The following PIGC variants were observed in gnomAD, a reference collection of about 807,000 sequenced individuals.
PIGC encodes the protein phosphatidylinositol glycan anchor biosynthesis class C.
Under a neutral mutation model 20.9 loss-of-function variants are expected in PIGC, and 14 were observed. That is an observed-to-expected ratio of 0.67 (90% CI 0.44 to 1.05). The LOEUF (loss-of-function observed/expected upper bound fraction) is 1.05. PIGC is among the 50% of genes least tolerant of loss of function. The probability of loss-of-function intolerance (pLI) is 0.00; values close to 1 mark genes in which losing one functional copy is unlikely to be tolerated. For missense variants in PIGC, 310 were observed against 360.9 expected, an observed-to-expected ratio of 0.86 and a Z score of 1.14; for synonymous variants, 132 against 141.4, an observed-to-expected ratio of 0.93 and a Z score of 0.47.
At position 172,441,463 on chromosome 1, in the gene PIGC, T is replaced by C; in HGVS notation, c.*266A>G. ...AAATCATGAGACAACTTGATGGATGTGTTATTTTTTTAATAGAAACCACAT... is the reference window on the plus strand; with the variant it reads ...AAATCATGAGACAACTTGATGGATGCGTTATTTTTTTAATAGAAACCACAT... On this transcript the variant is annotated 3_prime_UTR_variant, in exon 2 of 2. Transcript: ENST00000344529. The C allele has an allele frequency of 3.3e-6, 1 of 301,450 alleles. No individual in the cohort carries two copies. Among genetic ancestry groups the C allele is most frequent in the Non-Finnish European group, 6.1e-6 (1 of 164,134 alleles). 18.7% of individuals were successfully genotyped at this position (301,450 alleles called of 1,614,324 possible).
At position 172,441,563 on chromosome 1, in the gene PIGC, A is replaced by C. The variant is rs1225832777; in HGVS notation, c.*166T>G. On this transcript the variant is annotated 3_prime_UTR_variant, in exon 2 of 2. Transcript: ENST00000344529. ...TCATCTACAAAATAACAGAAAGGAT[A>C]AGCACCCTCACCACCCAAGCCTTTG... 1 of 555,192 alleles carries C rather than the reference A, an allele frequency of 1.8e-6. No homozygotes were observed. Among genetic ancestry groups the C allele is most frequent in the Non-Finnish European group, 3.0e-6 (1 of 327,916 alleles). The allele number at this position is 555,192 out of a possible 1,614,324, so 34.4% of individuals were successfully genotyped here.
intron 1 of PIGC, 29 bp from the exon 2 acceptor site, chr1:172,442,859 A>T: frequency 2.1e-6 from 1 of 482,628 alleles, no homozygotes; most frequent in Non-Finnish European, 3.8e-6. Context: ...TGAACCTACG[A>T]AAGTTGTGAA....
chr1:172,442,243 A>G lies in PIGC; in HGVS notation c.380T>C (p.Ile127Thr). The G allele has an allele frequency of 6.2e-7, 1 of 1,613,990 alleles. No homozygotes were observed. The highest frequency in any genetic ancestry group is 2.2e-5 in the East Asian group (1 of 44,882). ...WADLKSALVFITFTYGFSPVL... is the reference protein window; with the variant it reads ...WADLKSALVFTTFTYGFSPVL... ...TGGTGAAAACCCATAAGTGAAAGTA[A>G]TGAAGACTAGGGCACTCTTCAGGTC... Residue 127 changes from isoleucine (I) to threonine (T), a missense_variant, in exon 2 of 2, where the codon ATT becomes ACT. Coordinates refer to ENST00000344529, the MANE Select transcript of PIGC (RefSeq NM_153747.2).
In PIGC at chr1:172,441,869, C is replaced by T. The variant is rs754245859; in HGVS notation, c.754G>A (p.Val252Ile). The part of the protein sequence containing the change: ...GLLSISAVGA[V>I]LFALLLMSIS... ...GACATCAGCAGAAGGGCAAAGAGTA[C>T]GGCTCCCACAGCACTAATGGACAGT... The change falls in exon 2 of 2, where the codon GTA (valine) becomes ATA (isoleucine). Residue 252 changes from valine to isoleucine, a missense_variant. Coordinates refer to ENST00000344529, the MANE Select transcript of PIGC (RefSeq NM_153747.2). 1.4e-5 allele frequency: 23 copies of T among 1,613,932 alleles called. No individual in the cohort carries two copies. In the East Asian group the frequency reaches 1.6e-4, roughly 11 times the overall value.
At position 172,442,253 on chromosome 1, in the gene PIGC, G is replaced by A. The variant is rs1469733958; in HGVS notation, c.370C>T (p.Leu124=). ...CCATAAGTGAAAGTAATGAAGACTA[G>A]GGCACTCTTCAGGTCAGCCCACCGG... The part of the protein sequence containing the change: ...QTRWADLKSA[L]VFITFTYGFS... The change falls in exon 2 of 2, where the codon CTA becomes TTA. Residue 124 remains leucine (L), a synonymous_variant. Transcript: ENST00000344529. The A allele has an allele frequency of 2.5e-6, 4 of 1,613,772 alleles. No individual in the cohort carries two copies. The South Asian group carries it at 4.4e-5, about 18-fold the overall frequency.
At position 172,442,616 on chromosome 1, in the gene PIGC, C is replaced by G. The variant is rs761695446; in HGVS notation, c.7G>C (p.Ala3Pro). 43 of 1,609,126 alleles carry G rather than the reference C, an allele frequency of 2.7e-5. No individual in the cohort carries two copies. In the South Asian group the frequency reaches 4.6e-4, roughly 17 times the overall value. Residue 3 changes from alanine to proline, a missense_variant, in exon 2 of 2, where the codon GCT (alanine) becomes CCT (proline). Physicochemically the swap from Ala to Pro is conservative, Grantham distance 27 (BLOSUM62 -1). Transcript: ENST00000344529. MY[A>P]QPVTNTKEVK... is the part of the protein sequence containing the mutation. ...TCCTTGGTGTTAGTCACAGGTTGAG[C>G]ATACATTATCCTTTCATTCAAACTC...
In PIGC at chr1:172,443,569, C is replaced by T. The variant is rs572748939; in HGVS notation, c.-209+419G>A. On this transcript the variant is annotated intron_variant, in intron 1 of 1. Transcript: ENST00000344529. ...GAAGAAGATAATCATTCCTTTTTCA[C>T]AATGAGAAAACTAAGAGTCAGAAAC... 8 of 167,032 alleles carry T rather than the reference C, an allele frequency of 4.8e-5. No homozygotes were observed. In the East Asian group the frequency reaches 1.5e-3, roughly 32 times the overall value. The allele number at this position is 167,032 out of a possible 1,614,324, so 10.3% of individuals were successfully genotyped here. A position where few individuals can be genotyped will look rare whatever the true frequency, so the allele number is the denominator to read the frequency against.
In PIGC at chr1:172,441,474, T is replaced by A. The variant is rs2149168573; in HGVS notation, c.*255A>T. 3.1e-6 allele frequency: 1 copy of A among 318,412 alleles called. No individual in the cohort carries two copies. Among genetic ancestry groups the A allele is most frequent in the African/African-American group, 2.1e-5 (1 of 46,914 alleles). 19.7% of individuals were successfully genotyped at this position (318,412 alleles called of 1,614,324 possible). A position where few individuals can be genotyped will look rare whatever the true frequency, so the allele number is the denominator to read the frequency against. On this transcript the variant is annotated 3_prime_UTR_variant, in exon 2 of 2. Transcript: ENST00000344529. ...CAACTTGATGGATGTGTTATTTTTT[T>A]AATAGAAACCACATCACTTCATATG...
rs1220562585 is a variant in PIGC, at chr1:172,441,482, A to G, written c.*247T>C. 3 of 338,672 alleles carry G rather than the reference A, an allele frequency of 8.9e-6. No individual in the cohort carries two copies. In the Admixed American group the frequency reaches 1.3e-4, roughly 15 times the overall value. 21.0% of individuals were successfully genotyped at this position (338,672 alleles called of 1,614,324 possible). A position where few individuals can be genotyped will look rare whatever the true frequency, so the allele number is the denominator to read the frequency against. On this transcript the variant is annotated 3_prime_UTR_variant, in exon 2 of 2. Coordinates refer to ENST00000344529, the MANE Select transcript of PIGC (RefSeq NM_153747.2). ...TGGATGTGTTATTTTTTTAATAGAA[A>G]CCACATCACTTCATATGTTACAGCA...
At position 172,442,365 on chromosome 1, in the gene PIGC, T is replaced by C; in HGVS notation, c.258A>G (p.Leu86=). The C allele has an allele frequency of 3.1e-6, 5 of 1,613,266 alleles. No homozygotes were observed. The highest frequency in any genetic ancestry group is 4.2e-6 in the Non-Finnish European group (5 of 1,180,002). Residue 86 remains leucine (L), a synonymous_variant, in exon 2 of 2, where the codon TTA becomes TTG. Transcript: ENST00000344529. ...TCAGTGAAGAAGCCAGACCAGTCCC[T>C]AAAAGCCAATGGGGGGCCAGAAGAC... is the stretch of plus-strand genomic sequence containing the variant. The part of the protein sequence containing the change: ...DEGLLAPHWL[L]GTGLASSLIG...
In PIGC at chr1:172,441,773, C is replaced by G; in HGVS notation, c.850G>C (p.Asp284His). Residue 284 changes from aspartate to histidine, a missense_variant, in exon 2 of 2, where the codon GAT (aspartate) becomes CAT (histidine). Asp to His is a moderately conservative substitution (Grantham distance 81). Coordinates refer to ENST00000344529, the MANE Select transcript of PIGC (RefSeq NM_153747.2). ...AAGTCTTCCTTGATTTCAGCTTCAT[C>G]CCAAGGCCCATGAATGTTTTCTTTA... Reference protein sequence around the residue: ...LFKENIHGPWDEAEIKEDLSR... With the variant: ...LFKENIHGPWHEAEIKEDLSR... 6.3e-7 allele frequency: 1 copy of G among 1,591,960 alleles called. No homozygotes were observed. Among genetic ancestry groups the G allele is most frequent in the Non-Finnish European group, 8.6e-7 (1 of 1,169,110 alleles).
At position 172,441,466 on chromosome 1, in the gene PIGC, TA is replaced by T. The variant is rs1270943171; in HGVS notation, c.*262del. ...TCATGAGACAACTTGATGGATGTGT[TA>T]TTTTTTTAATAGAAACCACATCACT... On this transcript the variant is annotated 3_prime_UTR_variant, in exon 2 of 2. Transcript: ENST00000344529. 6.2e-5 allele frequency: 19 copies of T among 305,314 alleles called. No individual in the cohort carries two copies. The highest frequency in any genetic ancestry group is 3.8e-4 in the East Asian group (7 of 18,244). 18.9% of individuals were successfully genotyped at this position (305,314 alleles called of 1,614,324 possible).
At chr1:172,443,162 G>T (rs1237482990) in intron 1 of PIGC, 3 of 168,332 alleles carry the variant, frequency 1.8e-5, no homozygotes. Context: ...TTGCCCTAAG[G>T]TAACAGAGCA....
Position 172,441,678 on chromosome 1 carries a change from T to C in PIGC, c.*51A>G, listed in dbSNP as rs763082245. 7.1e-7 allele frequency: 1 copy of C among 1,407,260 alleles called. No individual in the cohort carries two copies. Among genetic ancestry groups the C allele is most frequent in the Non-Finnish European group, 9.6e-7 (1 of 1,036,616 alleles). 87.2% of individuals were successfully genotyped at this position (1,407,260 alleles called of 1,614,324 possible). ...ACTCTGTCTTTAAGTTCTATACTAG[T>C]TAGGAGGCTAATCTATCAGCTTGCT... On this transcript the variant is annotated 3_prime_UTR_variant, in exon 2 of 2. Transcript: ENST00000344529.
Position 172,442,580 on chromosome 1 carries a change from G to A in PIGC, c.43C>T (p.Gln15Ter). 1 of 1,613,970 alleles carries A rather than the reference G, an allele frequency of 6.2e-7. No individual in the cohort carries two copies. The highest frequency in any genetic ancestry group is 8.5e-7 in the Non-Finnish European group (1 of 1,179,892). Residue 15 changes from glutamine (Q) to a stop codon, truncating the protein, a stop_gained, in exon 2 of 2, where the codon CAG (glutamine) becomes TAG (stop). Transcript: ENST00000344529. LOFTEE classifies it high-confidence loss of function. ...GGCTGTCGCTCATACAAGACCTTCT[G>A]CCACTTGACCTCCTTGGTGTTAGTC... Reference protein sequence around the residue: ...PVTNTKEVKWQKVLYERQPFP... With the variant: ...PVTNTKEVKW
chr1:172,442,279 G>C lies in PIGC; in HGVS notation c.344C>G (p.Thr115Ser). ...GGCACTCTTCAGGTCAGCCCACCGG[G>C]TCTGCCCACTCTTCTTCCGCCCTTC... ...GGEGRKKSGQ[T>S]RWADLKSALV... The change falls in exon 2 of 2, where the codon ACC (threonine) becomes AGC (serine). Residue 115 changes from threonine (T) to serine (S), a missense_variant. Transcript: ENST00000344529. 3.1e-6 allele frequency: 5 copies of C among 1,613,716 alleles called. No homozygotes were observed. The highest frequency in any genetic ancestry group is 4.2e-6 in the Non-Finnish European group (5 of 1,179,984).
Position 172,444,028 on chromosome 1 carries a change from C to A in PIGC, c.-249G>T. The A allele has an allele frequency of 1.0e-6, 1 of 1,000,142 alleles. No homozygotes were observed. The highest frequency in any genetic ancestry group is 4.7e-5 in the South Asian group (1 of 21,296). The allele number at this position is 1,000,142 out of a possible 1,614,324, so 62.0% of individuals were successfully genotyped here. A position where few individuals can be genotyped will look rare whatever the true frequency, so the allele number is the denominator to read the frequency against. ...GTTGCGCAGCTGGGGGACGGCGGCA[C>A]CCAGCCTTTTTCCCGCTTCGGGGCG... On this transcript the variant is annotated 5_prime_UTR_variant, in exon 1 of 2. Transcript: ENST00000344529.
intron 1 of PIGC, 162 bp downstream of exon 1, chr1:172,443,826 A>C: frequency 9.0e-6 from 3 of 331,610 alleles, no homozygotes; most frequent in Non-Finnish European, 9.1e-6. Context: ...GGGGTAGGGT[A>C]GGGTGACCCC....
Position 172,441,661 on chromosome 1 carries a change from T to G in PIGC, c.*68A>C. 7.6e-6 allele frequency: 10 copies of G among 1,320,070 alleles called. No individual in the cohort carries two copies. Among genetic ancestry groups the G allele is most frequent in the Non-Finnish European group, 9.3e-6 (9 of 968,342 alleles). The allele number at this position is 1,320,070 out of a possible 1,614,324, so 81.8% of individuals were successfully genotyped here. ...GCTGCTTCCAGAATGGAACTCTGTCTTTAAGTTCTATACTAGTTAGGAGGC... is the reference window on the plus strand; with the variant it reads ...GCTGCTTCCAGAATGGAACTCTGTCGTTAAGTTCTATACTAGTTAGGAGGC... On this transcript the variant is annotated 3_prime_UTR_variant, in exon 2 of 2. Coordinates refer to ENST00000344529, the MANE Select transcript of PIGC (RefSeq NM_153747.2).
Sources: gnomAD v4.1 joint callset for allele counts on GRCh38, gnomAD v4.1.1 for gene constraint, MANE v1.5 for transcripts, NCBI Gene and HGNC (gene_info 2026-07-23, HGNC 2026-07-21) for gene names.